The following PTK2B variants were observed in gnomAD, a reference collection of about 807,000 sequenced individuals.
PTK2B encodes the protein protein tyrosine kinase 2 beta.
In PTK2B, 71 loss-of-function variants were observed where a neutral mutation model predicts 142.9. The observed-to-expected ratio is 0.50, with a 90% CI of 0.41 to 0.61. The LOEUF is 0.61. Among genes scored for constraint, PTK2B ranks in the 20% least tolerant of loss-of-function variants. The probability of loss-of-function intolerance (pLI) is 0.00; values close to 1 mark genes in which losing one functional copy is unlikely to be tolerated. For missense variants in PTK2B, 1,105 were observed against 1,320.4 expected, an observed-to-expected ratio of 0.84 and a Z score of 2.53; for synonymous variants, 519 against 503.4, an observed-to-expected ratio of 1.03 and a Z score of -0.42.
chr8:27,383,874 G>T (rs1391431296), intron 1 of PTK2B, among the ~76,000 whole-genome samples: 5 of 65,004 alleles, frequency 7.7e-5, no homozygotes, highest in Admixed American at 1.5e-4. Context: ...TTGAGACAGA[G>T]TTTCACTCCT....
At chr8:27,453,900 C>T (rs1811977521) in intron 28 of PTK2B, 1 of 468,562 alleles carries the variant, frequency 2.1e-6, no homozygotes, top group Admixed American at 4.1e-5. Flanking sequence ...CTGCCTGCAC[C>T]CTATGTCCAG....
In PTK2B at chr8:27,319,512, C is replaced by T. The variant is rs574664286; in HGVS notation, c.-413-2890C>T. 3.4e-4 allele frequency among the ~76,000 whole-genome samples: 51 copies of T among 151,728 alleles called. No homozygotes were observed. The East Asian group carries it at 5.6e-3, about 17-fold the overall frequency. ...AAAAAAAATTAGCCAGGCCCGGTGGCGGGCGCCTGTAGTCCCAGCTACTCG... is the reference window on the plus strand; with the variant it reads ...AAAAAAAATTAGCCAGGCCCGGTGGTGGGCGCCTGTAGTCCCAGCTACTCG... On this transcript the variant is annotated intron_variant, in intron 3 of 35. Transcript: ENST00000397501.
intron 2 of PTK2B, among the ~76,000 whole-genome samples, chr8:27,403,846 CTT>C (rs1563256560): frequency 6.6e-6 from 1 of 151,762 alleles, no homozygotes; most frequent in Non-Finnish European, 1.5e-5. Flanking sequence ...TTTCTTCTCT[CTT>C]CTTTCTTTTT....
intron 2 of PTK2B, among the ~76,000 whole-genome samples, chr8:27,417,469 G>A (rs1809474880): frequency 1.3e-5 from 2 of 152,212 alleles, no homozygotes; most frequent in South Asian, 4.2e-4. Context: ...GAAGGGATAT[G>A]GGGGAGTTTT....
intron 2 of PTK2B, among the ~76,000 whole-genome samples, chr8:27,406,172 C>T (rs185599693): frequency 1.3e-5 from 2 of 152,310 alleles, no homozygotes; most frequent in Admixed American, 6.5e-5. Context: ...GTGGACTTCT[C>T]CTCTCTCTGT....
At chr8:27,395,519 G>A (rs1331843091) in intron 1 of PTK2B, among the ~76,000 whole-genome samples, 2 of 152,108 alleles carry the variant, frequency 1.3e-5, no homozygotes, top group Admixed American at 6.5e-5. Flanking sequence ...GTTCCCTCCT[G>A]TGTCCCCTGG....
Position 27,458,287 on chromosome 8 carries a change from C to T in PTK2B, c.2815-7C>T. On this transcript the variant is annotated splice_polypyrimidine_tract_variant and splice_region_variant and intron_variant, in intron 30 of 30. Coordinates refer to ENST00000346049, the MANE Select transcript of PTK2B (RefSeq NM_173176.3). ...CTCTCAACCTGTCCTGTGTGATCTT[C>T]CTACAGATCGAGGGCACCCAGAAAC... The T allele has an allele frequency of 6.2e-7, 1 of 1,613,016 alleles. No individual in the cohort carries two copies. Among genetic ancestry groups the T allele is most frequent in the East Asian group, 2.2e-5 (1 of 44,874 alleles).
intron 21 of PTK2B, 90 bp downstream of exon 21, chr8:27,440,531 C>A: frequency 6.9e-7 from 1 of 1,446,018 alleles, no homozygotes; most frequent in Non-Finnish European, 9.5e-7. Context: ...CACCACATCT[C>A]CCTAAAGAAG....
chr8:27,450,840 A>C lies in PTK2B; in HGVS notation c.2432A>C (p.Gln811Pro), dbSNP rs775877674. The C allele has an allele frequency of 2.5e-6, 4 of 1,614,210 alleles. No individual in the cohort carries two copies. The highest frequency in any genetic ancestry group is 3.4e-6 in the Non-Finnish European group (4 of 1,180,034). The change falls in exon 25 of 31, where the codon CAG (glutamine) becomes CCG (proline). Residue 811 changes from glutamine (Q) to proline (P), a missense_variant. Transcript: ENST00000346049. ...KVKMRQILDKQQKQMVEDYQW... is the reference protein window; with the variant it reads ...KVKMRQILDKPQKQMVEDYQW... ...AAAATGCGGCAAATCCTGGACAAAC[A>C]GCAGAAGCAGATGGTGGAGGACTAC...
intron 1 of PTK2B, among the ~76,000 whole-genome samples, chr8:27,387,180 G>A (rs1246318511): frequency 6.6e-6 from 1 of 152,080 alleles, no homozygotes; most frequent in Non-Finnish European, 1.5e-5. Context: ...GTAGGCTGTG[G>A]ACTGTGTTTG....
At chr8:27,322,761 G>C (rs1406227225), upstream of PTK2B, 1 of 152,182 alleles carries the variant, frequency 6.6e-6, no homozygotes, top group Non-Finnish European at 1.5e-5. Flanking sequence ...ATTGAAACCT[G>C]CTCTACTGGC....
chr8:27,405,325 G>A (rs1271177934), intron 2 of PTK2B, among the ~76,000 whole-genome samples: 1 of 152,140 alleles, frequency 6.6e-6, no homozygotes, highest in Non-Finnish European at 1.5e-5. Flanking sequence ...CTCTGTATCT[G>A]GAACAATCTC....
In PTK2B at chr8:27,450,890, T is replaced by G. The variant is rs780663854; in HGVS notation, c.2482T>G (p.Ser828Ala). 8 of 1,613,958 alleles carry G rather than the reference T, an allele frequency of 5.0e-6. No individual in the cohort carries two copies. The highest frequency in any genetic ancestry group is 1.3e-5 in the African/African-American group (1 of 74,896). Residue 828 changes from serine to alanine, a missense_variant, in exon 25 of 31, where the codon TCC becomes GCC. Coordinates refer to ENST00000346049, the MANE Select transcript of PTK2B (RefSeq NM_173176.3). ...DYQWLRQEEK[S>A]LDPMVYMNDK... ...CCAGTGGCTCAGGCAGGAGGAGAAG[T>G]CCCTGGTGAGCACCCCAGGAAGGAT...
intron 1 of PTK2B, among the ~76,000 whole-genome samples, chr8:27,356,912 C>T (rs997103667): frequency 6.6e-6 from 1 of 152,006 alleles, no homozygotes; most frequent in South Asian, 2.1e-4. Flanking sequence ...GGTGGTGGCA[C>T]GAATGTGTCT....
In PTK2B at chr8:27,420,005, G is replaced by A. The variant is rs2131823924; in HGVS notation, c.315G>A (p.Leu105=). 6.2e-7 allele frequency: 1 copy of A among 1,614,198 alleles called. No individual in the cohort carries two copies. The highest frequency in any genetic ancestry group is 1.1e-5 in the South Asian group (1 of 91,076). The change falls in exon 3 of 31, where the codon CTG becomes CTA. Residue 105 remains leucine, a synonymous_variant. Coordinates refer to ENST00000346049, the MANE Select transcript of PTK2B (RefSeq NM_173176.3). ...TGAAGTCCGATGAGATCCACTGGCT[G>A]CACCCACAGATGACGGTGGGTGAGG... is the stretch of plus-strand genomic sequence containing the variant. ...KHMKSDEIHW[L]HPQMTVGEVQ...
At chr8:27,399,127 T>C (rs904894975) in intron 2 of PTK2B, among the ~76,000 whole-genome samples, 1 of 152,258 alleles carries the variant, frequency 6.6e-6, no homozygotes, top group African/African-American at 2.4e-5. Flanking sequence ...GCTGATGCCA[T>C]CCACTGTGAA....
upstream of PTK2B, chr8:27,311,171 G>A (rs1351600804): frequency 1.2e-6 from 2 of 1,607,134 alleles, no homozygotes; most frequent in Non-Finnish European, 1.7e-6. Flanking sequence ...GTAGCAGACG[G>A]CGCAGAGCAA....
intron 25 of PTK2B, 69 bp downstream of exon 25, chr8:27,450,964 TG>T (rs941382933): frequency 6.2e-7 from 1 of 1,611,240 alleles, no homozygotes; most frequent in African/African-American, 1.3e-5. Context: ...CCCAGGTGGC[TG>T]GGGCAAGGGT....
At chr8:27,403,226 TC>T (rs1425188065) in intron 2 of PTK2B, among the ~76,000 whole-genome samples, 1 of 152,210 alleles carries the variant, frequency 6.6e-6, no homozygotes, top group Non-Finnish European at 1.5e-5. Context: ...CAAGCACATG[TC>T]CTTCCCCAAG....
Sources: gnomAD v4.1 joint callset for allele counts (sites outside exome capture counted in the v4.1 genomes callset) on GRCh38, gnomAD v4.1.1 for gene constraint, MANE v1.5 for transcripts, NCBI Gene and HGNC (gene_info 2026-07-23, HGNC 2026-07-21) for gene names.